Variants in EDNRB observed in about 807,000 individuals in gnomAD.
EDNRB encodes Hirschsprung disease 2.
A neutral mutation model predicts 46.4 loss-of-function variants in EDNRB; 18 were observed. The ratio of observed to expected loss-of-function variants is 0.39; its 90% CI spans 0.27 to 0.57. The LOEUF is 0.57. Among genes scored for constraint, EDNRB ranks in the 20% least tolerant of loss-of-function variants. The probability of loss-of-function intolerance (pLI) is 0.61; values close to 1 mark genes in which losing one functional copy is unlikely to be tolerated. For missense variants in EDNRB, 434 were observed against 537.5 expected (o/e 0.81, Z 1.90); for synonymous variants, 213 against 204.9 (o/e 1.04, Z -0.34).
upstream of EDNRB, chr13:77,919,446 C>T (rs770338430): frequency 6.2e-7 from 1 of 1,612,750 alleles, no homozygotes; most frequent in Admixed American, 1.7e-5. Context: ...AGACCACCTT[C>T]CCGGGAGGCG....
At chr13:77,963,779 T>C (rs554807515) in intron 1 of EDNRB, among the ~76,000 whole-genome samples, 71 of 152,256 alleles carry the variant, frequency 4.7e-4, no homozygotes, top group African/African-American at 1.7e-3. Flanking sequence ...TGGGATCTAA[T>C]TAAACTAAAG....
At chr13:77,914,493 G>T (rs1014076501) in intron 1 of EDNRB, among the ~76,000 whole-genome samples, 9 of 152,118 alleles carry the variant, frequency 5.9e-5, no homozygotes, top group Non-Finnish European at 1.2e-4. Context: ...CTTCTGGTTG[G>T]TGTTGTGTAA....
chr13:77,904,830 A>T (rs1879193750), intron 1 of EDNRB, among the ~76,000 whole-genome samples: 2 of 152,008 alleles, frequency 1.3e-5, no homozygotes, highest in Admixed American at 6.6e-5. Context: ...AAATAGTTTG[A>T]AAAACAACCT....
chr13:77,954,921 A>T (rs1204875309), intron 1 of EDNRB, among the ~76,000 whole-genome samples: 1 of 152,220 alleles, frequency 6.6e-6, no homozygotes, highest in Non-Finnish European at 1.5e-5. Context: ...CAACACTGCA[A>T]TGAACATAAA....
chr13:77,921,848 G>A (rs533251846), upstream of EDNRB, among the ~76,000 whole-genome samples: 6 of 152,188 alleles, frequency 3.9e-5, no homozygotes, highest in Admixed American at 2.6e-4. Flanking sequence ...TGCCTCTGTA[G>A]GAGTGTCTTA....
At chr13:77,920,832 T>G (rs1254404140), upstream of EDNRB, among the ~76,000 whole-genome samples, 4 of 152,192 alleles carry the variant, frequency 2.6e-5, no homozygotes, top group African/African-American at 7.2e-5. Context: ...ATATGGAAGC[T>G]TTGGAATATG....
intron 1 of EDNRB, among the ~76,000 whole-genome samples, chr13:77,964,094 T>C (rs1426569915): frequency 6.6e-6 from 1 of 152,152 alleles, no homozygotes; most frequent in Non-Finnish European, 1.5e-5. Context: ...CCAGTTACAA[T>C]GGCAATCATT....
chr13:77,900,119 G>GTC, intron 5 of EDNRB, 152 bp from the exon 6 acceptor site: 3 of 724,504 alleles, frequency 4.1e-6, no homozygotes, highest in Non-Finnish European at 7.3e-6. Context: ...TTCTCTGCCT[G>GTC]TCTCTGTCTG....
chr13:77,939,530 A>C (rs1269838583), intron 1 of EDNRB: 1 of 152,232 alleles, frequency 6.6e-6, no homozygotes, highest in Non-Finnish European at 1.5e-5. Flanking sequence ...TGAAGTCATG[A>C]ATGAAAACTG....
At chr13:77,932,022 T>C (rs113349012) in intron 1 of EDNRB, among the ~76,000 whole-genome samples, 1 of 147,980 alleles carries the variant, frequency 6.8e-6, no homozygotes, top group Non-Finnish European at 1.5e-5. Context: ...TTTTACAACA[T>C]AGACTTAATT....
chr13:77,971,541 G>A (rs552939066), intron 1 of EDNRB, among the ~76,000 whole-genome samples: 1 of 151,002 alleles, frequency 6.6e-6, no homozygotes, highest in Non-Finnish European at 1.5e-5. Flanking sequence ...GGTGTAAAGG[G>A]TTTTGTCAGG....
intron 1 of EDNRB, among the ~76,000 whole-genome samples, chr13:77,909,509 G>A (rs538880371): frequency 3.3e-5 from 5 of 151,998 alleles, no homozygotes; most frequent in Non-Finnish European, 7.4e-5. Flanking sequence ...GCCCCATAAA[G>A]TCAGGAAATG....
intron 1 of EDNRB, among the ~76,000 whole-genome samples, chr13:77,931,884 C>T (rs1035460526): frequency 1.3e-5 from 2 of 151,248 alleles, no homozygotes; most frequent in African/African-American, 2.4e-5. Context: ...AAGAACTGCA[C>T]GAATTAGCTA....
At chr13:77,944,051 G>T (rs1033148809) in intron 1 of EDNRB, among the ~76,000 whole-genome samples, 1 of 152,026 alleles carries the variant, frequency 6.6e-6, no homozygotes, top group African/African-American at 2.4e-5. Context: ...GTTCATGGGG[G>T]TGCTAAGTCT....
At chr13:77,935,836 G>A (rs1342695772) in intron 1 of EDNRB, among the ~76,000 whole-genome samples, 1 of 152,208 alleles carries the variant, frequency 6.6e-6, no homozygotes, top group Non-Finnish European at 1.5e-5. Flanking sequence ...ATAATGGATT[G>A]TGGAGGGAGG....
At chr13:77,974,030 G>A (rs1881812787) in intron 1 of EDNRB, among the ~76,000 whole-genome samples, 1 of 151,250 alleles carries the variant, frequency 6.6e-6, no homozygotes, top group Non-Finnish European at 1.5e-5. Flanking sequence ...AAGAATAGAA[G>A]TTAGTATAAA....
chr13:77,952,852 C>T (rs977335142), intron 1 of EDNRB, among the ~76,000 whole-genome samples: 1 of 152,082 alleles, frequency 6.6e-6, no homozygotes, highest in Non-Finnish European at 1.5e-5. Context: ...GCTGTGGAGG[C>T]CTTGACCCCA....
chr13:77,951,927 C>A (rs902833668), intron 1 of EDNRB, among the ~76,000 whole-genome samples: 1 of 152,130 alleles, frequency 6.6e-6, no homozygotes, highest in South Asian at 2.1e-4. Context: ...CCTTTGGGTT[C>A]GGGGTCTCTT....
At chr13:77,916,152 G>C (rs1224659153) in intron 1 of EDNRB, among the ~76,000 whole-genome samples, 1 of 152,172 alleles carries the variant, frequency 6.6e-6, no homozygotes, top group Non-Finnish European at 1.5e-5. Flanking sequence ...GACATGTGGG[G>C]TTTCCTGACC....
Sources: allele counts gnomAD v4.1 joint callset (sites outside exome capture counted in the v4.1 genomes callset), GRCh38; gene constraint gnomAD v4.1.1; transcripts MANE v1.5; gene names NCBI Gene and HGNC (gene_info 2026-07-23, HGNC 2026-07-21).